The following ANKRD30B variants were observed in gnomAD, a reference collection of about 807,000 sequenced individuals.
The protein encoded by ANKRD30B is ankyrin repeat domain 30B.
Under a neutral mutation model 202.2 loss-of-function variants are expected in ANKRD30B, and 144 were observed. That is an observed-to-expected ratio of 0.71 (90% CI 0.62 to 0.82). ANKRD30B has a LOEUF of 0.82. Among genes scored for constraint, ANKRD30B ranks in the 40% least tolerant of loss-of-function variants. The pLI is 0.00. For synonymous variants in ANKRD30B, 508 were observed against 561.3 expected, an observed-to-expected ratio of 0.91 and a Z score of 1.34; for missense variants, 1,487 against 1,669.1, an observed-to-expected ratio of 0.89 and a Z score of 1.90.
intron 22 of ANKRD30B, 58 bp downstream of exon 22, chr18:14,799,353 G>C: frequency 7.2e-7 from 1 of 1,395,156 alleles, no homozygotes; most frequent in Admixed American, 2.7e-5. Flanking sequence ...TATTTGAAAT[G>C]CTGAGCACCT....
the ANKRD30B span, among the ~76,000 whole-genome samples, chr18:14,902,893 G>A: frequency 6.6e-6 from 1 of 152,188 alleles, no homozygotes; most frequent in East Asian, 1.9e-4. Flanking sequence ...TGGAATCCAT[G>A]GGAAGCACTT....
the ANKRD30B span, among the ~76,000 whole-genome samples, chr18:14,905,167 G>T: frequency 6.6e-6 from 1 of 152,216 alleles, no homozygotes; most frequent in Non-Finnish European, 1.5e-5. Context: ...TCCACCCCTT[G>T]TTTAGTATAT....
chr18:14,859,958 C>G, the ANKRD30B span, among the ~76,000 whole-genome samples: 3 of 133,602 alleles, frequency 2.2e-5, no homozygotes, highest in African/African-American at 8.6e-5. Flanking sequence ...TCCTCACCTC[C>G]CAGATGGGGC....
intron 3 of ANKRD30B, among the ~76,000 whole-genome samples, chr18:14,753,533 T>C (rs12103991): frequency 0.19 from 29,601 of 152,128 alleles, 3,101 homozygotes; most frequent in Non-Finnish European, 0.21. Context: ...TCTGTAAATA[T>C]TTCAGTTATC....
At chr18:14,819,275 T>A (rs1233605884) in intron 30 of ANKRD30B, among the ~76,000 whole-genome samples, 5 of 151,326 alleles carry the variant, frequency 3.3e-5, no homozygotes, top group Non-Finnish European at 5.9e-5. Flanking sequence ...CTTTGTCAGA[T>A]GAGTAGGTTG....
At chr18:14,855,631 G>A (rs1972066485), downstream of ANKRD30B, among the ~76,000 whole-genome samples, 1 of 150,078 alleles carries the variant, frequency 6.7e-6, no homozygotes, top group Admixed American at 6.6e-5. Context: ...CCAGATGAAG[G>A]GCAGCCAGGC....
At chr18:14,774,976 A>G (rs1967263178) in intron 9 of ANKRD30B, among the ~76,000 whole-genome samples, 1 of 152,010 alleles carries the variant, frequency 6.6e-6, no homozygotes, top group Non-Finnish European at 1.5e-5. Context: ...AAACACAACA[A>G]AGTAGACGGG....
At chr18:14,909,014 G>A in the ANKRD30B span, among the ~76,000 whole-genome samples, 121 of 152,318 alleles carry the variant, frequency 7.9e-4, no homozygotes, top group East Asian at 8.5e-3. Context: ...GGAAGCTGTC[G>A]GAGGATGTGC....
chr18:14,829,255 A>C (rs566998826), intron 33 of ANKRD30B, among the ~76,000 whole-genome samples: 12 of 152,304 alleles, frequency 7.9e-5, no homozygotes, highest in African/African-American at 2.6e-4. Context: ...AACTCTATTT[A>C]ATATCCTGGA....
intron 9 of ANKRD30B, among the ~76,000 whole-genome samples, chr18:14,773,961 A>T (rs1404578669): frequency 6.6e-6 from 1 of 151,956 alleles, no homozygotes; most frequent in Non-Finnish European, 1.5e-5. Context: ...CCAAAACTCA[A>T]GTTCTATTAA....
intron 24 of ANKRD30B, among the ~76,000 whole-genome samples, chr18:14,805,377 G>A (rs9748320): frequency 0.017 from 2,527 of 150,820 alleles, 197 homozygotes; most frequent in African/African-American, 0.059. Flanking sequence ...AATATTGAGG[G>A]CCAATTAAAT....
At chr18:14,902,590 C>A in the ANKRD30B span, among the ~76,000 whole-genome samples, 1 of 152,174 alleles carries the variant, frequency 6.6e-6, no homozygotes, top group Admixed American at 6.5e-5. Flanking sequence ...ATTGGTCCTA[C>A]TCTCCTGCAG....
Position 14,799,220 on chromosome 18 carries a change from TAG to T in ANKRD30B, c.2059-2_2059-1del. 1.3e-6 allele frequency: 2 copies of T among 1,578,860 alleles called. No homozygotes were observed. The highest frequency in any genetic ancestry group is 2.3e-5 in the South Asian group (2 of 87,026). On this transcript the variant is annotated splice_acceptor_variant, in intron 21 of 43. Coordinates refer to ENST00000690538, the MANE Select transcript of ANKRD30B (RefSeq NM_001367607.2). LOFTEE classifies it high-confidence loss of function. The stretch of plus-strand genomic sequence containing the variant: ...TAATTTTTGTGTTTCCAAACCCATT[TAG>T]CCTACCTGTGGAAGGAAAGTTTCTC...
At chr18:14,752,530 G>A in intron 1 of ANKRD30B, 36 bp from the exon 2 acceptor site, 2 of 1,518,330 alleles carry the variant, frequency 1.3e-6, no homozygotes, top group Non-Finnish European at 1.8e-6. Context: ...GAGACAGTGG[G>A]CTATACTTTG....
intron 34 of ANKRD30B, among the ~76,000 whole-genome samples, chr18:14,833,512 A>C (rs182552734): frequency 6.6e-6 from 1 of 152,362 alleles, no homozygotes; most frequent in Non-Finnish European, 1.5e-5. Context: ...ACATTACTCT[A>C]AAATTCTGAT....
intron 11 of ANKRD30B, among the ~76,000 whole-genome samples, chr18:14,780,406 T>C (rs766202916): frequency 1.2e-4 from 18 of 152,014 alleles, no homozygotes; most frequent in African/African-American, 3.9e-4. Flanking sequence ...GATTGCACCA[T>C]TGCACTCCAG....
chr18:14,933,474 G>A, the ANKRD30B span, among the ~76,000 whole-genome samples: 2 of 152,150 alleles, frequency 1.3e-5, no homozygotes, highest in African/African-American at 2.4e-5. Flanking sequence ...TTGGGGCCAG[G>A]TGGGAGCTGG....
At position 14,791,395 on chromosome 18, in the gene ANKRD30B, TA is replaced by T; in HGVS notation, c.1735-4del. 3 of 1,596,618 alleles carry T rather than the reference TA, an allele frequency of 1.9e-6. No homozygotes were observed. The highest frequency in any genetic ancestry group is 2.6e-6 in the Non-Finnish European group (3 of 1,173,090). Reference sequence around the variant, plus strand: ...TGAAATTATTTATTGATATTACTTTTAACAGAGTCCCTGTGAGACGGTTTCA... The same window carrying T: ...TGAAATTATTTATTGATATTACTTTTACAGAGTCCCTGTGAGACGGTTTCA... On this transcript the variant is annotated splice_polypyrimidine_tract_variant and splice_region_variant and intron_variant, in intron 15 of 43. Coordinates refer to ENST00000690538, the MANE Select transcript of ANKRD30B (RefSeq NM_001367607.2).
chr18:14,791,377 A>G, intron 15 of ANKRD30B, 24 bp from the exon 16 acceptor site: 5 of 1,555,616 alleles, frequency 3.2e-6, no homozygotes, highest in Non-Finnish European at 3.5e-6. Context: ...CATTGAAATT[A>G]TTTATTGATA....
Sources: gnomAD v4.1 joint callset for allele counts (sites outside exome capture counted in the v4.1 genomes callset) on GRCh38, gnomAD v4.1.1 for gene constraint, MANE v1.5 for transcripts, NCBI Gene and HGNC (gene_info 2026-07-23, HGNC 2026-07-21) for gene names.